The following DNAJB1 variants were observed in gnomAD, a reference collection of about 807,000 sequenced individuals.
DNAJB1 encodes dnaJ homolog subfamily B member 1.
Under a neutral mutation model 24.0 loss-of-function variants are expected in DNAJB1, and 14 were observed. That is an observed-to-expected ratio of 0.58 (90% CI 0.39 to 0.91). DNAJB1 has a LOEUF of 0.91. DNAJB1 is among the 40% of genes least tolerant of loss of function. The pLI, the probability that DNAJB1 is intolerant of heterozygous loss-of-function variation, is 0.00. For missense variants in DNAJB1, 517 were observed against 458.1 expected (o/e 1.13, Z -1.17); for synonymous variants, 262 against 174.4 (o/e 1.50, Z -3.96).
chr19:14,557,015 G>A (rs1272373385), intron 1 of DNAJB1, among the ~76,000 whole-genome samples: 1 of 152,182 alleles, frequency 6.6e-6, no homozygotes, highest in Non-Finnish European at 1.5e-5. Context: ...GCCCCTTCAA[G>A]AGCATGGTCA....
At position 14,518,158 on chromosome 19, in the gene DNAJB1, G is replaced by A; in HGVS notation, c.192C>T (p.Phe64=). The part of the protein sequence containing the change: ...VLSDPRKREI[F]DRYGEEGLKG... ...ACACACCTTCCTCCCCGTAGCGGTC[G>A]AAGATCTCGCGCTTGCGCGGGTCGC... Residue 64 remains phenylalanine (F), a synonymous_variant, in exon 1 of 3, where the codon TTC becomes TTT. Coordinates refer to ENST00000254322, the MANE Select transcript of DNAJB1 (RefSeq NM_006145.3). The A allele has an allele frequency of 6.3e-7, 1 of 1,581,368 alleles. No homozygotes were observed. The highest frequency in any genetic ancestry group is 2.4e-5 in the East Asian group (1 of 41,672).
At chr19:14,525,817 A>G (rs1198514543) in intron 2 of DNAJB1, among the ~76,000 whole-genome samples, 1 of 151,602 alleles carries the variant, frequency 6.6e-6, no homozygotes, top group African/African-American at 2.4e-5. Context: ...AAAAAAAAAA[A>G]GAAGGAGAAA....
At chr19:14,528,345 T>G (rs2072482452) in intron 1 of DNAJB1, among the ~76,000 whole-genome samples, 1 of 151,440 alleles carries the variant, frequency 6.6e-6, no homozygotes, top group African/African-American at 2.4e-5. Context: ...GTTCAAGCAA[T>G]TCTTCTGCCT....
upstream of DNAJB1, among the ~76,000 whole-genome samples, chr19:14,554,791 T>A (rs1240902424): frequency 1.3e-5 from 2 of 152,012 alleles, no homozygotes; most frequent in Non-Finnish European, 2.9e-5. Flanking sequence ...TTGTGCTTTT[T>A]TTTTTTGAGA....
chr19:14,536,267 GTT>G (rs201416657), intron 1 of DNAJB1, among the ~76,000 whole-genome samples: 44,883 of 137,780 alleles, frequency 0.33, 7,571 homozygotes, highest in Non-Finnish European at 0.41. Flanking sequence ...TCTCGAGCTA[GTT>G]TTTTTTTTTT....
rs1284141662 is a variant in DNAJB1, at chr19:14,518,164, C to A, written c.186G>T (p.Glu62Asp). Residue 62 changes from glutamate (E) to aspartate (D), a missense_variant, in exon 1 of 3, where the codon GAG becomes GAT. Physicochemically the swap from Glu to Asp is conservative, Grantham distance 45. Transcript: ENST00000254322. ...YDVLSDPRKR[E>D]IFDRYGEEGL... Reference sequence around the variant, plus strand: ...CTTCCTCCCCGTAGCGGTCGAAGATCTCGCGCTTGCGCGGGTCGCTGAGCA... The same window carrying A: ...CTTCCTCCCCGTAGCGGTCGAAGATATCGCGCTTGCGCGGGTCGCTGAGCA... The A allele has an allele frequency of 1.3e-6, 2 of 1,584,880 alleles. No individual in the cohort carries two copies. Among genetic ancestry groups the A allele is most frequent in the African/African-American group, 1.4e-5 (1 of 73,188 alleles).
chr19:14,538,527 C>G (rs930816239), intron 1 of DNAJB1, among the ~76,000 whole-genome samples: 1 of 98,056 alleles, frequency 1.0e-5, no homozygotes, highest in African/African-American at 4.3e-5. Context: ...CCTCAAAACT[C>G]TTTTTTTTCT....
At chr19:14,551,931 C>T (rs149151643), upstream of DNAJB1, among the ~76,000 whole-genome samples, 39,636 of 104,428 alleles carry the variant, frequency 0.38, 8,115 homozygotes, top group Non-Finnish European at 0.44. Context: ...CCCTCCCTCT[C>T]TCTCTCCCTC....
chr19:14,517,166 G>A (rs2072283701), intron 1 of DNAJB1, 120 bp from the exon 2 acceptor site: 6 of 1,007,914 alleles, frequency 6.0e-6, no homozygotes, highest in Non-Finnish European at 8.5e-6. Flanking sequence ...TGTCAGGGGA[G>A]AGCAAGGAAG....
upstream of DNAJB1, chr19:14,529,716 G>A: frequency 6.2e-7 from 1 of 1,614,152 alleles, no homozygotes; most frequent in Non-Finnish European, 8.5e-7. Context: ...TACGAGGTAA[G>A]AAGCGAGAAA....
intron 1 of DNAJB1, among the ~76,000 whole-genome samples, chr19:14,545,378 G>A (rs1417618200): frequency 6.6e-6 from 1 of 151,098 alleles, no homozygotes; most frequent in African/African-American, 2.4e-5. Context: ...GGGTCCTCCC[G>A]GGCACACCCA....
upstream of DNAJB1, among the ~76,000 whole-genome samples, chr19:14,534,423 C>CTTTTTTT (rs756051119): frequency 4.8e-4 from 25 of 52,488 alleles, 3 homozygotes; most frequent in African/African-American, 1.7e-3. Context: ...CATGCCTGGC[C>CTTTTTTT]TTTTTTTTTT....
At chr19:14,548,685 C>T (rs902261277) in intron 1 of DNAJB1, among the ~76,000 whole-genome samples, 1 of 152,140 alleles carries the variant, frequency 6.6e-6, no homozygotes, top group Admixed American at 6.5e-5. Context: ...TCAAGCAATT[C>T]TCCTGTCTCA....
upstream of DNAJB1, chr19:14,529,566 T>C (rs114121047): frequency 4.0e-3 from 5,755 of 1,426,590 alleles, 127 homozygotes; most frequent in African/African-American, 0.052. Context: ...GCGCGCGGCC[T>C]GGAGGGGCGG....
chr19:14,530,412 T>C (rs2072590096), upstream of DNAJB1: 1 of 152,232 alleles, frequency 6.6e-6, no homozygotes, highest in Non-Finnish European at 1.5e-5. Flanking sequence ...GGTGATAATA[T>C]AATATTAATA....
intron 1 of DNAJB1, chr19:14,529,088 C>T (rs796404297): frequency 1.9e-5 from 3 of 156,970 alleles, no homozygotes; most frequent in African/African-American, 7.2e-5. Context: ...TTTCGCCTTT[C>T]CTTCCCTCCC....
intron 1 of DNAJB1, among the ~76,000 whole-genome samples, chr19:14,546,821 C>G (rs2073323715): frequency 6.6e-6 from 1 of 152,142 alleles, no homozygotes. Context: ...TCCCAGGTAG[C>G]TGGGACTACA....
intron 1 of DNAJB1, chr19:14,536,726 T>C (rs1036641191): frequency 4.6e-5 from 7 of 152,090 alleles, no homozygotes; most frequent in Non-Finnish European, 8.8e-5. Context: ...AAGTGGCAAA[T>C]GCTACAGCTG....
chr19:14,557,488 G>A (rs2073771079), intron 1 of DNAJB1, among the ~76,000 whole-genome samples: 1 of 150,558 alleles, frequency 6.6e-6, no homozygotes, highest in South Asian at 2.1e-4. Context: ...GTCTTGCTCT[G>A]TCTCCCAGGC....
Sources: gnomAD v4.1 joint callset for allele counts (sites outside exome capture counted in the v4.1 genomes callset) on GRCh38, gnomAD v4.1.1 for gene constraint, MANE v1.5 for transcripts, NCBI Gene and HGNC (gene_info 2026-07-23, HGNC 2026-07-21) for gene names.